Variants in GSDME observed in about 807,000 individuals in gnomAD.
GSDME encodes the protein gasdermin E.
A neutral mutation model predicts 47.5 loss-of-function variants in GSDME; 44 were observed. The observed-to-expected ratio is 0.93, with a 90% confidence interval of 0.73 to 1.19. GSDME has a LOEUF of 1.19. Ranked by LOEUF, GSDME falls within the 50% of genes most tolerant of loss-of-function variation. The pLI is 0.00. For synonymous variants in GSDME, 258 were observed against 252.8 expected (o/e 1.02, Z -0.20); for missense variants, 663 against 604.2 (o/e 1.10, Z -1.02).
the GSDME span, among the ~76,000 whole-genome samples, chr7:24,780,266 T>C: frequency 4.6e-5 from 7 of 152,344 alleles, no homozygotes; most frequent in South Asian, 1.4e-3. This position sits in a 1 kb window ranked among gnomAD's most constrained non-coding sequence, Gnocchi z 4.1. Context: ...GATTAAGTTA[T>C]GGGGTATTGA....
the GSDME span, among the ~76,000 whole-genome samples, chr7:24,778,697 G>A: frequency 1.3e-5 from 2 of 152,270 alleles, no homozygotes; most frequent in South Asian, 2.1e-4. The surrounding 1 kb of genome is among the most constrained non-coding windows in gnomAD (Gnocchi z 5.6). Context: ...AGGAAAGGGG[G>A]GCAAGCACGG....
chr7:24,741,035 A>G (rs1252627778), intron 3 of GSDME, among the ~76,000 whole-genome samples: 1 of 152,206 alleles, frequency 6.6e-6, no homozygotes, highest in African/African-American at 2.4e-5. Context: ...ACTTCCAGAC[A>G]TTCAGCCAGG....
chr7:24,702,984 G>T (rs1455676216), intron 8 of GSDME, 151 bp from the exon 9 acceptor site: 1 of 634,346 alleles, frequency 1.6e-6, no homozygotes, highest in Non-Finnish European at 2.9e-6. Flanking sequence ...GTGAATGAAT[G>T]GTGCTAAATG....
the GSDME span, among the ~76,000 whole-genome samples, chr7:24,765,650 C>A: frequency 6.6e-6 from 1 of 152,224 alleles, no homozygotes; most frequent in African/African-American, 2.4e-5. Flanking sequence ...TGCTCTGAAC[C>A]TATTCTGGTT....
At position 24,756,348 on chromosome 7, in the gene GSDME, G is replaced by A. The variant is rs901157748; in HGVS notation, c.-20+1048C>T. On this transcript the variant is annotated intron_variant, in intron 1 of 9. Coordinates refer to ENST00000645220, the MANE Select transcript of GSDME (RefSeq NM_001127453.2). The surrounding 1 kb of genome is among the most constrained non-coding windows in gnomAD (Gnocchi z 4.2). ...TGCACTCCAGCCTTGGTGACAGAGC[G>A]AGACCCTCTCTCAACAATAACAAAG... Among the ~76,000 whole-genome samples, 3 of 152,196 alleles carry A rather than the reference G, an allele frequency of 2.0e-5. No homozygotes were observed. Among genetic ancestry groups the A allele is most frequent in the Middle Eastern group, 3.2e-3 (1 of 316 alleles).
chr7:24,761,205 G>A (rs1490907075), upstream of GSDME, among the ~76,000 whole-genome samples: 1 of 152,190 alleles, frequency 6.6e-6, no homozygotes, highest in Non-Finnish European at 1.5e-5. The surrounding 1 kb of genome is among the most constrained non-coding windows in gnomAD (Gnocchi z 4.4). Flanking sequence ...GAATTTAGCT[G>A]GTGAAGGTGA....
At chr7:24,788,803 C>T in the GSDME span, among the ~76,000 whole-genome samples, 1 of 152,088 alleles carries the variant, frequency 6.6e-6, no homozygotes, top group Non-Finnish European at 1.5e-5. The surrounding 1 kb of genome is among the most constrained non-coding windows in gnomAD (Gnocchi z 4.6). Flanking sequence ...CTTTAGTGCC[C>T]ATAACACATT....
upstream of GSDME, chr7:24,757,527 C>T (rs1791080346): frequency 6.6e-6 from 1 of 151,742 alleles, no homozygotes; most frequent in African/African-American, 2.4e-5. The surrounding 1 kb of genome is among the most constrained non-coding windows in gnomAD (Gnocchi z 5.9). Context: ...GGGACCTTTG[C>T]TCGGTCCGGG....
the GSDME span, among the ~76,000 whole-genome samples, chr7:24,790,622 C>T: frequency 6.6e-6 from 1 of 152,164 alleles, no homozygotes; most frequent in African/African-American, 2.4e-5. The surrounding 1 kb of genome is among the most constrained non-coding windows in gnomAD (Gnocchi z 4.1). Flanking sequence ...ACACGGTTTG[C>T]AACTTTGGGA....
intron 7 of GSDME, chr7:24,707,349 G>C (rs1054357835): frequency 4.0e-5 from 19 of 471,232 alleles, no homozygotes; most frequent in Non-Finnish European, 7.0e-5. Flanking sequence ...GTGGCTGGAG[G>C]GTTGGCAGCT....
the GSDME span, among the ~76,000 whole-genome samples, chr7:24,772,168 C>A: frequency 8.5e-5 from 13 of 152,160 alleles, no homozygotes; most frequent in East Asian, 2.1e-3. This position sits in a 1 kb window ranked among gnomAD's most constrained non-coding sequence, Gnocchi z 4.5. Flanking sequence ...GAGGAAGGTG[C>A]CTTGCTGGCC....
intron 8 of GSDME, chr7:24,704,598 A>T (rs568817016): frequency 6.6e-6 from 1 of 152,236 alleles, no homozygotes; most frequent in African/African-American, 2.4e-5. Context: ...TGGTTGAAAA[A>T]TTTAGACATT....
chr7:24,736,767 A>C lies in GSDME; in HGVS notation c.404+7795T>G, dbSNP rs371844768. 1.4e-4 allele frequency among the ~76,000 whole-genome samples: 22 copies of C among 152,212 alleles called. No individual in the cohort carries two copies. The highest frequency in any genetic ancestry group is 5.1e-4 in the African/African-American group (21 of 41,462). ...AGGATAGACCATATGTTAGGCCACA[A>C]AACAAGTTTCAAAACATCCAAAAAA... On this transcript the variant is annotated intron_variant, in intron 3 of 9. Coordinates refer to ENST00000645220, the MANE Select transcript of GSDME (RefSeq NM_001127453.2). The surrounding 1 kb of genome is among the most constrained non-coding windows in gnomAD (Gnocchi z 4.6).
intron 9 of GSDME, among the ~76,000 whole-genome samples, chr7:24,699,839 G>A (rs1337508675): frequency 6.6e-6 from 1 of 152,096 alleles, no homozygotes; most frequent in Non-Finnish European, 1.5e-5. Flanking sequence ...ATGTACTTTG[G>A]TCATATATGC....
chr7:24,782,365 T>C, the GSDME span, among the ~76,000 whole-genome samples: 1 of 152,160 alleles, frequency 6.6e-6, no homozygotes, highest in Non-Finnish European at 1.5e-5. Context: ...TGGTTTCCAG[T>C]TTCATCCATG....
chr7:24,746,257 G>T (rs1460583661), intron 2 of GSDME, among the ~76,000 whole-genome samples: 1 of 152,122 alleles, frequency 6.6e-6, no homozygotes, highest in African/African-American at 2.4e-5. Flanking sequence ...AATATCTCAT[G>T]GAAAACAAAC....
At chr7:24,703,837 T>G (rs1385741857) in intron 8 of GSDME, 1 of 152,178 alleles carries the variant, frequency 6.6e-6, no homozygotes, top group African/African-American at 2.4e-5. Context: ...TCTCAAGTAG[T>G]CTCTTACCCC....
chr7:24,710,311 C>A lies in GSDME; in HGVS notation c.775G>T (p.Val259Phe). Residue 259 changes from valine to phenylalanine, a missense_variant, in exon 6 of 10, where the codon GTC becomes TTC. Transcript: ENST00000645220. ...TCTATGAATGCAAACTCTCGAAAGA[C>A]CAGGGGGTCCAGGTAGACAGAGTCA... is the stretch of plus-strand genomic sequence containing the variant. ...RIDSVYLDPLVFREFAFIDMP... is the reference protein window; with the variant it reads ...RIDSVYLDPLFFREFAFIDMP... 6.2e-7 allele frequency: 1 copy of A among 1,614,226 alleles called. No homozygotes were observed. Among genetic ancestry groups the A allele is most frequent in the South Asian group, 1.1e-5 (1 of 91,082 alleles).
At chr7:24,788,210 G>T in the GSDME span, among the ~76,000 whole-genome samples, 1 of 152,308 alleles carries the variant, frequency 6.6e-6, no homozygotes, top group Admixed American at 6.5e-5. This position sits in a 1 kb window ranked among gnomAD's most constrained non-coding sequence, Gnocchi z 4.6. Flanking sequence ...CTGCCCCAGG[G>T]ACTGAGCCCT....
Sources: allele counts gnomAD v4.1 joint callset (sites outside exome capture counted in the v4.1 genomes callset), GRCh38; gene constraint gnomAD v4.1.1; non-coding constraint Gnocchi (gnomAD v3.1); transcripts MANE v1.5; gene names NCBI Gene and HGNC (gene_info 2026-07-23, HGNC 2026-07-21).